Variants in CRIM1 observed in about 807,000 individuals in gnomAD.
CRIM1 encodes the protein cysteine rich transmembrane BMP regulator 1, also known as cysteine-rich motor neuron 1 protein.
A neutral mutation model predicts 116.4 loss-of-function variants in CRIM1; 32 were observed. That is an observed-to-expected ratio of 0.27 (90% CI 0.21 to 0.37). The LOEUF is 0.37. CRIM1 is among the 10% of genes least tolerant of loss of function. The pLI, the probability that CRIM1 is intolerant of heterozygous loss-of-function variation, is 1.00. For synonymous variants in CRIM1, 590 were observed against 509.2 expected, an observed-to-expected ratio of 1.16 and a Z score of -2.13; for missense variants, 1,331 against 1,354.8, an observed-to-expected ratio of 0.98 and a Z score of 0.28.
intron 1 of CRIM1, among the ~76,000 whole-genome samples, chr2:36,362,818 C>T (rs1669313984): frequency 6.6e-6 from 1 of 152,118 alleles, no homozygotes; most frequent in African/African-American, 2.4e-5. Context: ...GCAAAGTGAA[C>T]AGGTATCAAT....
intron 7 of CRIM1, among the ~76,000 whole-genome samples, chr2:36,491,143 C>G (rs1220152916): frequency 6.6e-6 from 1 of 152,168 alleles, no homozygotes; most frequent in African/African-American, 2.4e-5. Context: ...GAAGTGAATT[C>G]TCCAGATAAT....
rs1369196218 is a variant in CRIM1, at chr2:36,499,221, C to A, written c.1375C>A (p.Pro459Thr). 1 of 1,607,766 alleles carries A rather than the reference C, an allele frequency of 6.2e-7. No individual in the cohort carries two copies. The change falls in exon 8 of 17, where the codon CCA becomes ACA. Residue 459 changes from proline (P) to threonine (T), a missense_variant and splice_region_variant. Transcript: ENST00000280527. ...TTTTTTTCTCTATTTATTATTAGAA[C>A]CAACCATCATCACAGTTGATCCACC... ...PGECCPVCEEPTIITVDPPAC... is the reference protein window; with the variant it reads ...PGECCPVCEETTIITVDPPAC...
intron 7 of CRIM1, among the ~76,000 whole-genome samples, chr2:36,480,103 G>A (rs1279941554): frequency 1.3e-5 from 2 of 152,152 alleles, no homozygotes; most frequent in African/African-American, 4.8e-5. Flanking sequence ...AGAAAAGACT[G>A]GAACCATGAA....
At chr2:36,528,796 G>A (rs889665819) in intron 13 of CRIM1, among the ~76,000 whole-genome samples, 11 of 152,288 alleles carry the variant, frequency 7.2e-5, no homozygotes, top group South Asian at 4.1e-4. Flanking sequence ...TCTGGTTGTC[G>A]TGCACCATGC....
chr2:36,418,725 A>T (rs1010754942), intron 2 of CRIM1, among the ~76,000 whole-genome samples: 1 of 152,078 alleles, frequency 6.6e-6, no homozygotes, highest in African/African-American at 2.4e-5. Context: ...ACATCTATAG[A>T]TCACCGCTCT....
chr2:36,404,763 CAA>C (rs1672663529), intron 2 of CRIM1, among the ~76,000 whole-genome samples: 1 of 152,134 alleles, frequency 6.6e-6, no homozygotes, highest in Admixed American at 6.5e-5. Context: ...AATTTTTACA[CAA>C]AGACTTCTGT....
chr2:36,547,742 G>T (rs1667453538), intron 16 of CRIM1, among the ~76,000 whole-genome samples: 1 of 152,116 alleles, frequency 6.6e-6, no homozygotes, highest in African/African-American at 2.4e-5. Flanking sequence ...AGGGAGAAAA[G>T]ATGTATGTTT....
chr2:36,516,856 C>A (rs1213475677), intron 11 of CRIM1, among the ~76,000 whole-genome samples: 1 of 152,206 alleles, frequency 6.6e-6, no homozygotes, highest in South Asian at 2.1e-4. Context: ...CCTCGTCTCT[C>A]CCTGAGCTCT....
Position 36,526,267 on chromosome 2 carries a change from G to T in CRIM1, c.2428+3954G>T, listed in dbSNP as rs150920682. Among the ~76,000 whole-genome samples the T allele has an allele frequency of 4.9e-3, 747 of 152,266 alleles. 4 individuals carry two copies. Among genetic ancestry groups the T allele is most frequent in the African/African-American group, 0.017 (723 of 41,552 alleles). ...AGCTGACTATAATGAAGGGTTAAAG[G>T]ATGAAGAACAAGAATCAAAAGTTGA... On this transcript the variant is annotated intron_variant, in intron 13 of 16. Coordinates refer to ENST00000280527, the MANE Select transcript of CRIM1 (RefSeq NM_016441.3).
chr2:36,459,439 A>G (rs1275912724), intron 4 of CRIM1, among the ~76,000 whole-genome samples: 1 of 152,206 alleles, frequency 6.6e-6, no homozygotes, highest in Non-Finnish European at 1.5e-5. Flanking sequence ...AGTTTATTTC[A>G]GATTATTGGT....
intron 15 of CRIM1, 54 bp from the exon 16 acceptor site, chr2:36,546,930 A>C: frequency 9.5e-7 from 1 of 1,047,490 alleles, no homozygotes; most frequent in Non-Finnish European, 1.4e-6. Flanking sequence ...CATTAAAATA[A>C]TCCTTAACAA....
intron 5 of CRIM1, among the ~76,000 whole-genome samples, chr2:36,470,181 G>T (rs1189599254): frequency 6.6e-6 from 1 of 152,178 alleles, no homozygotes; most frequent in African/African-American, 2.4e-5. Context: ...GAAAACACTA[G>T]CCTGAATGAA....
intron 6 of CRIM1, among the ~76,000 whole-genome samples, chr2:36,478,939 G>C (rs1285671548): frequency 1.3e-5 from 2 of 151,964 alleles, no homozygotes; most frequent in African/African-American, 4.8e-5. Context: ...AGTTCACAGC[G>C]CTCCTCCAAG....
intron 4 of CRIM1, among the ~76,000 whole-genome samples, chr2:36,448,066 T>C (rs1676388128): frequency 6.6e-6 from 1 of 152,224 alleles, no homozygotes; most frequent in South Asian, 2.1e-4. Flanking sequence ...CCAACCATTA[T>C]TTTTAACCTT....
chr2:36,498,341 T>G (rs1399054007), intron 7 of CRIM1, among the ~76,000 whole-genome samples: 1 of 152,160 alleles, frequency 6.6e-6, no homozygotes, highest in Non-Finnish European at 1.5e-5. Context: ...AAACTAATGC[T>G]GTAACCATGG....
At chr2:36,521,910 T>A (rs1209499386) in intron 12 of CRIM1, among the ~76,000 whole-genome samples, 182 bp from the exon 13 acceptor site, 1 of 152,196 alleles carries the variant, frequency 6.6e-6, no homozygotes, top group Non-Finnish European at 1.5e-5. Context: ...TTTTTTGATC[T>A]TTGTTATTTT....
intron 2 of CRIM1, among the ~76,000 whole-genome samples, chr2:36,401,579 C>T (rs1451584136): frequency 1.3e-5 from 2 of 152,172 alleles, no homozygotes; most frequent in Non-Finnish European, 2.9e-5. Context: ...TCTGCAGCTG[C>T]CACAGGTGTG....
intron 13 of CRIM1, among the ~76,000 whole-genome samples, chr2:36,527,742 T>C (rs1170422345): frequency 6.6e-6 from 1 of 152,246 alleles, no homozygotes; most frequent in Non-Finnish European, 1.5e-5. Context: ...ATAGTAAATA[T>C]TTAATTCAGG....
chr2:36,455,046 T>C (rs971915417), intron 4 of CRIM1, among the ~76,000 whole-genome samples: 2 of 152,082 alleles, frequency 1.3e-5, no homozygotes, highest in Non-Finnish European at 2.9e-5. Flanking sequence ...AAGGAAACGA[T>C]CTGGGGAGTA....
Sources: gnomAD v4.1 joint callset for allele counts (sites outside exome capture counted in the v4.1 genomes callset) on GRCh38, gnomAD v4.1.1 for gene constraint, MANE v1.5 for transcripts, NCBI Gene and HGNC (gene_info 2026-07-23, HGNC 2026-07-21) for gene names.